Variants in CAP2 observed in about 807,000 individuals in gnomAD.
CAP2 encodes the protein adenylyl cyclase-associated protein 2.
In CAP2, 24 loss-of-function variants were observed where a neutral mutation model predicts 57.7. That is an observed-to-expected ratio of 0.42 (90% CI 0.30 to 0.58). The LOEUF (loss-of-function observed/expected upper bound fraction) is 0.58, where lower values mean the gene tolerates loss of function less well. Ranked by LOEUF, CAP2 falls within the 20% of genes least tolerant of loss-of-function variation. CAP2 has a pLI of 0.22. For missense variants in CAP2, 501 were observed against 590.3 expected, an observed-to-expected ratio of 0.85 and a Z score of 1.57; for synonymous variants, 194 against 207.2, an observed-to-expected ratio of 0.94 and a Z score of 0.55.
chr6:17,523,811 T>C (rs932689791), intron 7 of CAP2, among the ~76,000 whole-genome samples: 6 of 152,170 alleles, frequency 3.9e-5, no homozygotes, highest in African/African-American at 1.4e-4. Context: ...AGGAGTAAAA[T>C]GTTTTTGTAA....
Position 17,513,532 on chromosome 6 carries a change from G to A in CAP2, c.531-317G>A, listed in dbSNP as rs899086521. ...AGTCTCCCCTCCACGCCCCCGTCAC[G>A]TGAGGGCTGACTGGGACAGTGCAAG... On this transcript the variant is annotated intron_variant, in intron 6 of 12. Coordinates refer to ENST00000229922, the MANE Select transcript of CAP2 (RefSeq NM_006366.3). This position sits in a 1 kb window ranked among gnomAD's most constrained non-coding sequence, Gnocchi z 4.3. Among the ~76,000 whole-genome samples the A allele has an allele frequency of 1.8e-4, 28 of 152,006 alleles. No individual in the cohort carries two copies. Among genetic ancestry groups the A allele is most frequent in the African/African-American group, 6.0e-4 (25 of 41,370 alleles).
intron 4 of CAP2, among the ~76,000 whole-genome samples, chr6:17,505,711 G>T (rs1333404967): frequency 6.6e-6 from 1 of 151,944 alleles, no homozygotes; most frequent in Non-Finnish European, 1.5e-5. Flanking sequence ...CTGTTTCTTT[G>T]GAGCACACAC....
At chr6:17,442,407 C>T (rs3777687) in intron 3 of CAP2, among the ~76,000 whole-genome samples, 95,952 of 152,032 alleles carry the variant, frequency 0.63, 31,423 homozygotes, top group East Asian at 0.84. Context: ...ATAAGCAAAA[C>T]GGAACAGACA....
chr6:17,521,526 A>C (rs1440931523), intron 7 of CAP2, among the ~76,000 whole-genome samples: 1 of 152,198 alleles, frequency 6.6e-6, no homozygotes, highest in East Asian at 1.9e-4. Context: ...GAGACCACAT[A>C]ATTAAACCAA....
At chr6:17,404,814 C>T (rs12184013) in intron 1 of CAP2, among the ~76,000 whole-genome samples, 15,449 of 151,410 alleles carry the variant, frequency 0.1, 2,666 homozygotes, top group African/African-American at 0.35. Flanking sequence ...ACTTATGACA[C>T]GTCTCAAAAG....
At chr6:17,489,309 A>G (rs1312897583) in intron 4 of CAP2, among the ~76,000 whole-genome samples, 1 of 152,096 alleles carries the variant, frequency 6.6e-6, no homozygotes, top group Admixed American at 6.6e-5. Context: ...GCACGCGCCT[A>G]TAAGCCCAGC....
intron 3 of CAP2, among the ~76,000 whole-genome samples, chr6:17,452,881 G>A (rs1346434092): frequency 1.3e-5 from 2 of 152,164 alleles, no homozygotes; most frequent in African/African-American, 2.4e-5. Flanking sequence ...AGTTCATGGG[G>A]AGATGAACTG....
intron 3 of CAP2, among the ~76,000 whole-genome samples, chr6:17,440,181 A>G (rs1019992449): frequency 3.3e-5 from 5 of 151,614 alleles, no homozygotes; most frequent in Non-Finnish European, 5.9e-5. Context: ...ATTCAAGTCC[A>G]CTTTTGTATC....
chr6:17,471,636 T>G (rs1761021321), intron 4 of CAP2, among the ~76,000 whole-genome samples: 1 of 151,952 alleles, frequency 6.6e-6, no homozygotes, highest in Non-Finnish European at 1.5e-5. Context: ...ATCGAGACCA[T>G]CCTGGCTAAC....
chr6:17,418,668 C>T (rs1041293816), intron 1 of CAP2, among the ~76,000 whole-genome samples: 1 of 145,952 alleles, frequency 6.9e-6, no homozygotes, highest in Non-Finnish European at 1.5e-5. Context: ...ACAAAGCAAA[C>T]ATTTTTTTTT....
At chr6:17,446,369 A>C (rs1226177234) in intron 3 of CAP2, among the ~76,000 whole-genome samples, 1 of 152,230 alleles carries the variant, frequency 6.6e-6, no homozygotes, top group Non-Finnish European at 1.5e-5. Context: ...TACTTTAGAT[A>C]CCAAACAAGA....
chr6:17,425,399 T>G (rs1274133580), intron 2 of CAP2, among the ~76,000 whole-genome samples: 1 of 152,216 alleles, frequency 6.6e-6, no homozygotes, highest in Non-Finnish European at 1.5e-5. Flanking sequence ...TCATTCCCAC[T>G]ATGGTTGTCC....
intron 7 of CAP2, among the ~76,000 whole-genome samples, chr6:17,529,778 C>T (rs1326590259): frequency 6.6e-6 from 1 of 151,718 alleles, no homozygotes; most frequent in African/African-American, 2.4e-5. Context: ...TTTAATCACT[C>T]CCTCCTATTA....
chr6:17,456,235 A>G (rs1341941441), intron 3 of CAP2, among the ~76,000 whole-genome samples: 1 of 152,188 alleles, frequency 6.6e-6, no homozygotes, highest in Non-Finnish European at 1.5e-5. Context: ...GTTGATTCTG[A>G]TGGACACACA....
chr6:17,436,091 TTCCTTCCTTCCTTCCTTCCTTCC>T (rs2113554519), intron 3 of CAP2, among the ~76,000 whole-genome samples: 1 of 137,634 alleles, frequency 7.3e-6, no homozygotes, highest in Non-Finnish European at 1.6e-5. Context: ...CTTTCTTTCC[TTCCTTCCTTCCTTCCTTCCTTCC>T]TTCCTTCCCT....
chr6:17,524,722 A>G (rs149793531), intron 7 of CAP2, among the ~76,000 whole-genome samples: 211 of 152,288 alleles, frequency 1.4e-3, no homozygotes, highest in African/African-American at 5.0e-3. Flanking sequence ...TGGTCAACTG[A>G]CATGGCCCTG....
intron 1 of CAP2, among the ~76,000 whole-genome samples, chr6:17,400,245 A>C (rs969057944): frequency 2.2e-4 from 33 of 152,048 alleles, no homozygotes; most frequent in African/African-American, 8.0e-4. Flanking sequence ...ACACACATAC[A>C]CACACAAAAC....
At chr6:17,454,626 A>C (rs1760507514) in intron 3 of CAP2, among the ~76,000 whole-genome samples, 1 of 152,230 alleles carries the variant, frequency 6.6e-6, no homozygotes, top group African/African-American at 2.4e-5. Context: ...GGGTGGTGAT[A>C]GTTCCCATGA....
At position 17,513,545 on chromosome 6, in the gene CAP2, G is replaced by A. The variant is rs1762204594; in HGVS notation, c.531-304G>A. On this transcript the variant is annotated intron_variant, in intron 6 of 12. Transcript: ENST00000229922. The surrounding 1 kb of genome is among the most constrained non-coding windows in gnomAD (Gnocchi z 4.3). ...CGCCCCCGTCACGTGAGGGCTGACT[G>A]GGACAGTGCAAGGACACCCTACTCA... 6.6e-6 allele frequency among the ~76,000 whole-genome samples: 1 copy of A among 152,070 alleles called. No individual in the cohort carries two copies. Among genetic ancestry groups the A allele is most frequent in the African/African-American group, 2.4e-5 (1 of 41,414 alleles).
Sources: allele counts gnomAD v4.1 joint callset (sites outside exome capture counted in the v4.1 genomes callset), GRCh38; gene constraint gnomAD v4.1.1; non-coding constraint Gnocchi (gnomAD v3.1); transcripts MANE v1.5; gene names NCBI Gene and HGNC (gene_info 2026-07-23, HGNC 2026-07-21).